HABP4: variants seen among roughly 807,000 people sequenced by gnomAD.
HABP4 encodes the protein intracellular hyaluronan-binding protein 4.
HABP4 carries 32 observed loss-of-function variants against 44.1 expected under a neutral mutation model. That is an observed-to-expected ratio of 0.73 (90% CI 0.55 to 0.97). The LOEUF is 0.97. Among genes scored for constraint, HABP4 ranks in the 50% least tolerant of loss-of-function variants. The pLI is 0.00. For missense variants in HABP4, 503 were observed against 561.9 expected, an observed-to-expected ratio of 0.90 and a Z score of 1.06; for synonymous variants, 216 against 218.0, an observed-to-expected ratio of 0.99 and a Z score of 0.08.
intron 4 of HABP4, among the ~76,000 whole-genome samples, chr9:96,470,620 A>G (rs1412443852): frequency 6.6e-6 from 1 of 152,092 alleles, no homozygotes; most frequent in East Asian, 1.9e-4. Context: ...AAAGCCCTCA[A>G]TAGGCCAGGC....
chr9:96,478,320 A>T (rs1342027523), intron 5 of HABP4, among the ~76,000 whole-genome samples: 1 of 151,988 alleles, frequency 6.6e-6, no homozygotes, highest in Non-Finnish European at 1.5e-5. Context: ...TTTAGTAGAG[A>T]CGGGGTTTCA....
At chr9:96,471,139 T>G in intron 5 of HABP4, 45 bp downstream of exon 5, 3 of 1,013,034 alleles carry the variant, frequency 3.0e-6, no homozygotes, top group Non-Finnish European at 4.6e-6. Flanking sequence ...GGTTCTCTTC[T>G]TAATGATTTC....
rs116903088 is a variant in HABP4 at position 96,450,234 on chromosome 9, G to C, written c.-46G>C. ...TCCTGGCCGCCGGCTTCGCTGAGAC[G>C]CGCTCGCGTGGGCTGCCCTCCCGGG... On this transcript the variant is annotated 5_prime_UTR_variant, in exon 1 of 8. Coordinates refer to ENST00000375249, the MANE Select transcript of HABP4 (RefSeq NM_014282.4). This position sits in a 1 kb window ranked among gnomAD's most constrained non-coding sequence, Gnocchi z 4.8. 0.064 allele frequency: 85,173 copies of C among 1,322,380 alleles called. 3,017 individuals are homozygous for C. The highest frequency in any genetic ancestry group is 0.073 in the Non-Finnish European group (74,582 of 1,027,178). 81.9% of individuals were successfully genotyped at this position (1,322,380 alleles called of 1,614,324 possible).
At chr9:96,486,459 G>A (rs1198820308) in intron 6 of HABP4, among the ~76,000 whole-genome samples, 1 of 152,174 alleles carries the variant, frequency 6.6e-6, no homozygotes, top group Non-Finnish European at 1.5e-5. Flanking sequence ...AAACAAATGT[G>A]CTGTCAGGAT....
intron 5 of HABP4, among the ~76,000 whole-genome samples, chr9:96,478,760 A>T (rs1587685925): frequency 6.6e-6 from 1 of 151,642 alleles, no homozygotes; most frequent in African/African-American, 2.4e-5. Flanking sequence ...TCCTGGTCTC[A>T]AATGATCCTC....
In HABP4 at chr9:96,468,878, G is replaced by A. The variant is rs892058286; in HGVS notation, c.744-2133G>A. ...TTGAGGTCATGAAAATGATGTATGC[G>A]AAGGAGTTATGTGCTACTTTTGATT... On this transcript the variant is annotated intron_variant, in intron 4 of 7. Transcript: ENST00000375249. 3.3e-5 allele frequency among the ~76,000 whole-genome samples: 5 copies of A among 152,240 alleles called. No individual in the cohort carries two copies. The East Asian group carries it at 5.8e-4, about 18-fold the overall frequency.
intron 6 of HABP4, among the ~76,000 whole-genome samples, chr9:96,486,867 C>G (rs1259375972): frequency 6.6e-6 from 1 of 152,026 alleles, no homozygotes; most frequent in Admixed American, 6.6e-5. Context: ...TGTGTCCACT[C>G]CCTGCTCCAC....
At chr9:96,474,494 G>A (rs1445569105) in intron 5 of HABP4, among the ~76,000 whole-genome samples, 1 of 152,146 alleles carries the variant, frequency 6.6e-6, no homozygotes, top group African/African-American at 2.4e-5. Context: ...AATAAAGCTT[G>A]TTGACTGTCT....
intron 1 of HABP4, among the ~76,000 whole-genome samples, chr9:96,456,772 AAAAAAAAAATATATATATATATAT>A (rs1832389678): frequency 2.8e-5 from 2 of 72,104 alleles, no homozygotes; most frequent in African/African-American, 1.2e-4. Flanking sequence ...AAAAAAAAAA[AAAAAAAAAATATATATATATATAT>A]ATATATATAT....
intron 5 of HABP4, among the ~76,000 whole-genome samples, chr9:96,478,012 G>C (rs966334208): frequency 6.6e-6 from 1 of 152,186 alleles, no homozygotes; most frequent in Non-Finnish European, 1.5e-5. Flanking sequence ...TGTGTGATTT[G>C]TATCTGTTCA....
In HABP4 at chr9:96,490,662, C is replaced by T. The variant is rs1833075965; in HGVS notation, c.*624C>T. On this transcript the variant is annotated 3_prime_UTR_variant, in exon 8 of 8. Coordinates refer to ENST00000375249, the MANE Select transcript of HABP4 (RefSeq NM_014282.4). ...GATTTTTAATGGTGATTTAAACTAC[C>T]TCGTGGTTTCTGTGTGTGTGCACAC... 6.6e-6 allele frequency: 1 copy of T among 152,172 alleles called. No individual in the cohort carries two copies. 9.4% of individuals were successfully genotyped at this position (152,172 alleles called of 1,614,324 possible). A position where few individuals can be genotyped will look rare whatever the true frequency, so the allele number is the denominator to read the frequency against.
At chr9:96,452,139 A>G (rs1832294182) in intron 1 of HABP4, among the ~76,000 whole-genome samples, 2 of 151,436 alleles carry the variant, frequency 1.3e-5, no homozygotes, top group South Asian at 4.2e-4. Flanking sequence ...AGGCAGGAGA[A>G]TGGCGTGAAC....
intron 2 of HABP4, among the ~76,000 whole-genome samples, chr9:96,462,632 G>A (rs1378955547): frequency 3.3e-5 from 5 of 150,178 alleles, no homozygotes; most frequent in Non-Finnish European, 5.9e-5. Context: ...AAAAGAGAGA[G>A]AGTTTACTGT....
intron 1 of HABP4, among the ~76,000 whole-genome samples, chr9:96,452,662 A>G (rs887800355): frequency 8.5e-5 from 13 of 152,152 alleles, no homozygotes; most frequent in Admixed American, 7.2e-4. Context: ...CAAACAGCTC[A>G]TTAATTTCCA....
rs551623144 is a variant in HABP4, at chr9:96,484,702, C to T, written c.999+69C>T. 2.8e-4 allele frequency: 235 copies of T among 833,258 alleles called. 1 individual carries two copies. The highest frequency in any genetic ancestry group is 6.3e-4 in the Admixed American group (29 of 46,040). The allele number at this position is 833,258 out of a possible 1,614,324, so 51.6% of individuals were successfully genotyped here. ...CTTACTGGAAGTGAAATGTACCTTT[C>T]CACTTCTGTCTTGAAAATGGAACAT... is the stretch of plus-strand genomic sequence containing the variant. On this transcript the variant is annotated intron_variant, in intron 6 of 7. Transcript: ENST00000375249.
chr9:96,484,738 C>T, intron 6 of HABP4, 105 bp downstream of exon 6: 1 of 684,866 alleles, frequency 1.5e-6, no homozygotes, highest in Non-Finnish European at 2.6e-6. Flanking sequence ...TAGTAGTTGG[C>T]AGTCTTTGTT....
chr9:96,490,044 C>T lies in HABP4; in HGVS notation c.*6C>T, dbSNP rs779413318. 36 of 1,577,882 alleles carry T rather than the reference C, an allele frequency of 2.3e-5. No individual in the cohort carries two copies. Among genetic ancestry groups the T allele is most frequent in the Non-Finnish European group, 3.1e-5 (35 of 1,146,946 alleles). On this transcript the variant is annotated 3_prime_UTR_variant, in exon 8 of 8. Transcript: ENST00000375249. ...ATTTCCCTGCGCTGTCTTGAAAGAG[C>T]CCTGTTTCCCAGCACCGCGGAGCTG...
intron 5 of HABP4, among the ~76,000 whole-genome samples, chr9:96,474,372 A>G (rs1033158274): frequency 2.0e-5 from 3 of 152,350 alleles, no homozygotes; most frequent in Admixed American, 1.3e-4. Context: ...TTCAGGTAAT[A>G]TAAGGCAGAA....
chr9:96,462,444 T>C (rs971672648), intron 2 of HABP4, among the ~76,000 whole-genome samples: 2 of 151,466 alleles, frequency 1.3e-5, no homozygotes, highest in Non-Finnish European at 2.9e-5. Flanking sequence ...GATGAGACTC[T>C]GTCTCTAAAA....
Sources: allele counts gnomAD v4.1 joint callset (sites outside exome capture counted in the v4.1 genomes callset), GRCh38; gene constraint gnomAD v4.1.1; non-coding constraint Gnocchi (gnomAD v3.1); transcripts MANE v1.5; gene names NCBI Gene and HGNC (gene_info 2026-07-23, HGNC 2026-07-21).